Variants in KCNIP1 observed in about 807,000 individuals in gnomAD.
KCNIP1 encodes A-type potassium channel modulatory protein KCNIP1.
KCNIP1 carries 18 observed loss-of-function variants against 33.0 expected under a neutral mutation model. The observed-to-expected ratio is 0.55, with a 90% CI of 0.38 to 0.81. KCNIP1 has a LOEUF of 0.81. KCNIP1 is among the 30% of genes least tolerant of loss of function. The pLI is 0.00. For synonymous variants in KCNIP1, 93 were observed against 98.3 expected (o/e 0.95, Z 0.32); for missense variants, 238 against 271.6 (o/e 0.88, Z 0.87).
chr5:170,450,649 T>C (rs924864268), intron 1 of KCNIP1, among the ~76,000 whole-genome samples: 2 of 152,046 alleles, frequency 1.3e-5, no homozygotes, highest in African/African-American at 4.8e-5. Flanking sequence ...AGCTCTCACA[T>C]CTCAAGAATT....
intron 1 of KCNIP1, among the ~76,000 whole-genome samples, chr5:170,661,728 T>G (rs140972273): frequency 1.3e-5 from 2 of 152,306 alleles, no homozygotes; most frequent in African/African-American, 2.4e-5. Flanking sequence ...AATCATATCA[T>G]TCACACCTAC....
chr5:170,371,993 C>A (rs1167937865), intron 1 of KCNIP1, among the ~76,000 whole-genome samples: 2 of 152,150 alleles, frequency 1.3e-5, no homozygotes, highest in African/African-American at 4.8e-5. Context: ...ACACTAACTA[C>A]CCAGAGTTAG....
At position 170,736,459 on chromosome 5, in the gene KCNIP1, G is replaced by A. The variant is rs1764392755; in HGVS notation, c.*653G>A. 1 of 152,592 alleles carries A rather than the reference G, an allele frequency of 6.6e-6. No individual in the cohort carries two copies. The highest frequency in any genetic ancestry group is 6.5e-5 in the Admixed American group (1 of 15,292). 9.5% of individuals were successfully genotyped at this position (152,592 alleles called of 1,614,324 possible). On this transcript the variant is annotated 3_prime_UTR_variant, in exon 8 of 8. Transcript: ENST00000328939. ...ACTGGCATTTGTGCTGGTAGTACAA[G>A]TCCTTTAATATGTCCAGGAAGGGAG...
intron 1 of KCNIP1, among the ~76,000 whole-genome samples, chr5:170,515,171 C>T (rs1358978228): frequency 6.6e-6 from 1 of 152,202 alleles, no homozygotes; most frequent in Non-Finnish European, 1.5e-5. Context: ...AGGCCTCACT[C>T]ATTTCCTAGA....
At chr5:170,647,059 A>T (rs1210562523) in intron 1 of KCNIP1, among the ~76,000 whole-genome samples, 1 of 152,208 alleles carries the variant, frequency 6.6e-6, no homozygotes, top group African/African-American at 2.4e-5. Flanking sequence ...TAACATATGT[A>T]CAAGATCTAT....
chr5:170,684,095 T>A (rs1013488100), intron 1 of KCNIP1, among the ~76,000 whole-genome samples: 2 of 152,172 alleles, frequency 1.3e-5, no homozygotes, highest in Admixed American at 6.5e-5. Context: ...ATACAGATAT[T>A]GAGCCAAGAG....
intron 4 of KCNIP1, 121 bp downstream of exon 4, chr5:170,722,024 G>A (rs886117151): frequency 3.4e-6 from 4 of 1,187,980 alleles, no homozygotes; most frequent in African/African-American, 1.5e-5. Context: ...CCAAAGACAT[G>A]TTTATCCATT....
chr5:170,399,064 T>C (rs1323950500), intron 1 of KCNIP1, among the ~76,000 whole-genome samples: 1 of 152,130 alleles, frequency 6.6e-6, no homozygotes, highest in Non-Finnish European at 1.5e-5. Flanking sequence ...TGTGAGTGTG[T>C]CTACTTGCAA....
intron 1 of KCNIP1, among the ~76,000 whole-genome samples, chr5:170,356,861 A>G (rs1763362866): frequency 6.6e-6 from 1 of 152,216 alleles, no homozygotes; most frequent in South Asian, 2.1e-4. Flanking sequence ...CCTGTCCCAC[A>G]GGTGCTCAGC....
At position 170,603,567 on chromosome 5, in the gene KCNIP1, G is replaced by C. The variant is rs568997390; in HGVS notation, c.61+98934G>C. ...GGCTACACATGTGACAAGATAGGCT[G>C]TGCACAGGGGTCTGAGCAGGACCCT... On this transcript the variant is annotated intron_variant, in intron 1 of 7. Transcript: ENST00000328939. 2.6e-5 allele frequency among the ~76,000 whole-genome samples: 4 copies of C among 152,326 alleles called. No homozygotes were observed. The East Asian group carries it at 7.7e-4, about 29-fold the overall frequency.
intron 1 of KCNIP1, among the ~76,000 whole-genome samples, chr5:170,397,773 A>G (rs572902449): frequency 1.3e-5 from 2 of 152,324 alleles, no homozygotes; most frequent in Admixed American, 1.3e-4. Context: ...GACCTTGAGA[A>G]TATGTGCCCA....
At chr5:170,596,452 T>A (rs1329086451) in intron 1 of KCNIP1, among the ~76,000 whole-genome samples, 1 of 152,212 alleles carries the variant, frequency 6.6e-6, no homozygotes, top group Non-Finnish European at 1.5e-5. Flanking sequence ...CAGGGATGTG[T>A]TCTGGAGATC....
At chr5:170,521,044 T>G (rs1301685390) in intron 1 of KCNIP1, among the ~76,000 whole-genome samples, 1 of 152,186 alleles carries the variant, frequency 6.6e-6, no homozygotes, top group Non-Finnish European at 1.5e-5. Flanking sequence ...GTTTGAGAAT[T>G]AACGTTTGGG....
At chr5:170,415,653 T>C (rs2113415565) in intron 1 of KCNIP1, among the ~76,000 whole-genome samples, 1 of 152,266 alleles carries the variant, frequency 6.6e-6, no homozygotes, top group South Asian at 2.1e-4. Flanking sequence ...CAGGCTCATG[T>C]CTCCAAGGAG....
intron 1 of KCNIP1, among the ~76,000 whole-genome samples, chr5:170,613,014 G>A (rs759530012): frequency 6.6e-6 from 1 of 152,158 alleles, no homozygotes; most frequent in Non-Finnish European, 1.5e-5. Context: ...CACACACCCA[G>A]CATAGCACAT....
At chr5:170,502,655 G>A (rs1015102459), upstream of KCNIP1, among the ~76,000 whole-genome samples, 4 of 152,188 alleles carry the variant, frequency 2.6e-5, no homozygotes, top group Non-Finnish European at 4.4e-5. Flanking sequence ...ATATGTTTGT[G>A]GGACTTTCTG....
chr5:170,452,057 C>T (rs901737051), intron 1 of KCNIP1, among the ~76,000 whole-genome samples: 4 of 152,086 alleles, frequency 2.6e-5, no homozygotes, highest in South Asian at 2.1e-4. Context: ...CCTGTGACTC[C>T]GTCTCCATTC....
intron 1 of KCNIP1, among the ~76,000 whole-genome samples, chr5:170,399,062 T>C (rs1055916160): frequency 5.9e-5 from 9 of 152,206 alleles, no homozygotes; most frequent in African/African-American, 2.2e-4. Flanking sequence ...TTTGTGAGTG[T>C]GTCTACTTGC....
At position 170,676,113 on chromosome 5, in the gene KCNIP1, G is replaced by C. The variant is rs962775328; in HGVS notation, c.62-42645G>C. Reference sequence around the variant, plus strand: ...TGAAAGAAGGAAGGGAGGAAGAAGGGAGGGAGGGAGCGAGGGAGGCGGGGG... The same window carrying C: ...TGAAAGAAGGAAGGGAGGAAGAAGGCAGGGAGGGAGCGAGGGAGGCGGGGG... On this transcript the variant is annotated intron_variant, in intron 1 of 7. Transcript: ENST00000328939. Among the ~76,000 whole-genome samples, 4 of 93,946 alleles carry C rather than the reference G, an allele frequency of 4.3e-5. No homozygotes were observed. In the South Asian group the frequency reaches 1.4e-3, roughly 33 times the overall value. 61.6% of individuals were successfully genotyped at this position (93,946 alleles called of 152,430 possible).
Sources: gnomAD v4.1 joint callset for allele counts (sites outside exome capture counted in the v4.1 genomes callset) on GRCh38, gnomAD v4.1.1 for gene constraint, MANE v1.5 for transcripts, NCBI Gene and HGNC (gene_info 2026-07-23, HGNC 2026-07-21) for gene names.